Variants in ZNF503 observed in about 807,000 individuals in gnomAD.
ZNF503 encodes the protein zinc finger protein 503, also known as NocA-like zinc finger 2.
In ZNF503, 15 loss-of-function variants were observed where a neutral mutation model predicts 34.4. That is an observed-to-expected ratio of 0.44 (90% CI 0.29 to 0.67). The LOEUF (loss-of-function observed/expected upper bound fraction) is 0.67. Among genes scored for constraint, ZNF503 ranks in the 30% least tolerant of loss-of-function variants. The pLI is 0.13. For synonymous variants in ZNF503, 580 were observed against 456.8 expected, an observed-to-expected ratio of 1.27 and a Z score of -3.44; for missense variants, 1,007 against 926.8, an observed-to-expected ratio of 1.09 and a Z score of -1.12.
At chr10:75,400,899 G>A in intron 1 of ZNF503, 1 of 740,942 alleles carries the variant, frequency 1.3e-6, no homozygotes, top group Non-Finnish European at 2.2e-6. Flanking sequence ...AGTATTGGCA[G>A]CCTTGCTCCC....
chr10:75,325,143 G>A, the ZNF503 span, among the ~76,000 whole-genome samples: 6 of 152,116 alleles, frequency 3.9e-5, no homozygotes, highest in East Asian at 1.9e-4. Context: ...TGTATAAGGC[G>A]TGAGGTATGG....
rs764029841 is a variant in ZNF503 at position 75,399,985 on chromosome 10, G to A, written c.705C>T (p.Ala235=). The part of the protein sequence containing the change: ...RTGSPSSSAS[A]CSPGGMLSSA... The stretch of plus-strand genomic sequence containing the variant: ...AGGACAGCATACCTCCCGGCGAGCA[G>A]GCCGAGGCGCTGGAGCTCGGGCTGC... The change falls in exon 2 of 2, where the codon GCC becomes GCT. Residue 235 remains alanine, a synonymous_variant. Transcript: ENST00000372524. 2 of 1,606,238 alleles carry A rather than the reference G, an allele frequency of 1.2e-6. No homozygotes were observed. The highest frequency in any genetic ancestry group is 1.7e-6 in the Non-Finnish European group (2 of 1,179,394).
chr10:75,316,291 G>A, the ZNF503 span, among the ~76,000 whole-genome samples: 3 of 151,686 alleles, frequency 2.0e-5, no homozygotes, highest in Non-Finnish European at 4.4e-5. Flanking sequence ...AGTGCACATG[G>A]AGCATTCTCC....
At chr10:75,387,890 C>T in the ZNF503 span, among the ~76,000 whole-genome samples, 2 of 152,152 alleles carry the variant, frequency 1.3e-5, no homozygotes, top group South Asian at 4.1e-4. Context: ...TCCAGGCAGC[C>T]GAGGGCTCTC....
the ZNF503 span, among the ~76,000 whole-genome samples, chr10:75,353,880 G>T: frequency 6.6e-6 from 1 of 152,220 alleles, no homozygotes; most frequent in East Asian, 1.9e-4. Context: ...CAATAGATGC[G>T]AGAGTGGAAC....
At chr10:75,319,689 GAGATTGGCTAAAC>G in the ZNF503 span, among the ~76,000 whole-genome samples, 6 of 152,162 alleles carry the variant, frequency 3.9e-5, no homozygotes, top group African/African-American at 7.2e-5. Flanking sequence ...TTAAAAGACA[GAGATTGGCTAAAC>G]AGATTTTAAA....
At chr10:75,295,303 C>T in the ZNF503 span, among the ~76,000 whole-genome samples, 1 of 151,810 alleles carries the variant, frequency 6.6e-6, no homozygotes, top group African/African-American at 2.4e-5. The surrounding 1 kb of genome is among the most constrained non-coding windows in gnomAD (Gnocchi z 4.0). Flanking sequence ...GCAGTCCCGC[C>T]CTCCTCCTCC....
At position 75,401,743 on chromosome 10, in the gene ZNF503, C is replaced by A. The variant is rs1843830843; in HGVS notation, c.-324G>T. On this transcript the variant is annotated 5_prime_UTR_variant, in exon 1 of 2. Coordinates refer to ENST00000372524, the MANE Select transcript of ZNF503 (RefSeq NM_032772.6). Reference sequence around the variant, plus strand: ...GCGCTGCGCTCTGCGATGCGAGCCGCTGCGTGTCCAGCCGGGGCTCTGGCG... The same window carrying A: ...GCGCTGCGCTCTGCGATGCGAGCCGATGCGTGTCCAGCCGGGGCTCTGGCG... 1 of 365,060 alleles carries A rather than the reference C, an allele frequency of 2.7e-6. No homozygotes were observed. Among genetic ancestry groups the A allele is most frequent in the South Asian group, 5.0e-5 (1 of 20,038 alleles). 22.6% of individuals were successfully genotyped at this position (365,060 alleles called of 1,614,324 possible).
chr10:75,295,268 C>T, the ZNF503 span, among the ~76,000 whole-genome samples: 5 of 151,890 alleles, frequency 3.3e-5, no homozygotes, highest in South Asian at 2.1e-4. This position sits in a 1 kb window ranked among gnomAD's most constrained non-coding sequence, Gnocchi z 4.0. Flanking sequence ...CTCATGGGCC[C>T]CGGGGCGCCC....
the ZNF503 span, among the ~76,000 whole-genome samples, chr10:75,349,229 A>G: frequency 6.6e-6 from 1 of 152,232 alleles, no homozygotes; most frequent in African/African-American, 2.4e-5. Context: ...CAATAATCCA[A>G]TCTTCGGACA....
At chr10:75,313,565 G>A in the ZNF503 span, among the ~76,000 whole-genome samples, 2 of 152,210 alleles carry the variant, frequency 1.3e-5, no homozygotes, top group South Asian at 4.1e-4. Context: ...GGAATAGGAA[G>A]GAGAGTCTGG....
the ZNF503 span, among the ~76,000 whole-genome samples, chr10:75,347,550 G>C: frequency 1.3e-5 from 2 of 152,218 alleles, no homozygotes; most frequent in Non-Finnish European, 2.9e-5. Flanking sequence ...GGGGCAGGCT[G>C]TCCTTAACTC....
chr10:75,392,466 G>C, the ZNF503 span, among the ~76,000 whole-genome samples: 6 of 152,224 alleles, frequency 3.9e-5, no homozygotes, highest in African/African-American at 1.2e-4. Flanking sequence ...AATCTAGAGG[G>C]CTTCCTGGAA....
chr10:75,328,314 T>G, the ZNF503 span, among the ~76,000 whole-genome samples: 1 of 152,346 alleles, frequency 6.6e-6, no homozygotes, highest in Middle Eastern at 3.4e-3. Context: ...TGCATGTGGA[T>G]ATCTAGTTTT....
At chr10:75,318,641 C>T in the ZNF503 span, among the ~76,000 whole-genome samples, 463 of 145,196 alleles carry the variant, frequency 3.2e-3, no homozygotes, top group Admixed American at 5.5e-3. Context: ...TGCACTCCAG[C>T]CTGAGTGACA....
At chr10:75,298,400 C>G in the ZNF503 span, among the ~76,000 whole-genome samples, 1 of 152,216 alleles carries the variant, frequency 6.6e-6, no homozygotes, top group Non-Finnish European at 1.5e-5. Flanking sequence ...CTTTCTGTCT[C>G]TATGGATTTG....
At chr10:75,296,929 CTCCTGGCTGTGAT>C in the ZNF503 span, among the ~76,000 whole-genome samples, 1 of 152,188 alleles carries the variant, frequency 6.6e-6, no homozygotes, top group African/African-American at 2.4e-5. Flanking sequence ...TAAAAATTCT[CTCCTGGCTGTGAT>C]TCCTACGGGA....
intron 1 of ZNF503, 50 bp downstream of exon 1, chr10:75,401,055 G>T (rs376830355): frequency 6.2e-7 from 1 of 1,611,974 alleles, no homozygotes; most frequent in South Asian, 1.1e-5. Context: ...AAGCCCTAGG[G>T]TGGCAGCCAG....
At chr10:75,349,002 C>A in the ZNF503 span, among the ~76,000 whole-genome samples, 1 of 151,894 alleles carries the variant, frequency 6.6e-6, no homozygotes. Context: ...TTTTTCTCTC[C>A]CACCACTACA....
Sources: allele counts gnomAD v4.1 joint callset (sites outside exome capture counted in the v4.1 genomes callset), GRCh38; gene constraint gnomAD v4.1.1; non-coding constraint Gnocchi (gnomAD v3.1); transcripts MANE v1.5; gene names NCBI Gene and HGNC (gene_info 2026-07-23, HGNC 2026-07-21).